The following HIBCH variants were observed in gnomAD, a reference collection of about 807,000 sequenced individuals.
The protein encoded by HIBCH is 3-hydroxyisobutyryl-CoA hydrolase, mitochondrial.
Under a neutral mutation model 58.2 loss-of-function variants are expected in HIBCH, and 50 were observed. That is an observed-to-expected ratio of 0.86 (90% CI 0.68 to 1.09). HIBCH has a LOEUF of 1.09. HIBCH is among the 50% of genes least tolerant of loss of function. HIBCH has a pLI of 0.00. For missense variants in HIBCH, 450 were observed against 449.7 expected (o/e 1.00, Z -0.01); for synonymous variants, 151 against 146.9 (o/e 1.03, Z -0.20).
intron 6 of HIBCH, among the ~76,000 whole-genome samples, chr2:190,267,613 GGAACTCATTAAGTAATTCAGC>G (rs1687279120): frequency 6.6e-6 from 1 of 152,162 alleles, no homozygotes; most frequent in Non-Finnish European, 1.5e-5. Context: ...TGTTCACTAT[GGAACTCATTAAGTAATTCAGC>G]TTCATATTTA....
At position 190,252,290 on chromosome 2, in the gene HIBCH, C is replaced by G; in HGVS notation, c.535G>C (p.Gly179Arg). The part of the protein sequence containing the change: ...ETAIGLFPDV[G>R]GGYFLPRLQG... ...AGTCGTGGCAAGAAATAACCTCCAC[C>G]CACATCAGGGAACAGTCCTGTAATT... The change falls in exon 8 of 14, where the codon GGT (glycine) becomes CGT (arginine). Residue 179 changes from glycine (G) to arginine (R), a missense_variant. By Grantham distance (125) the Gly-to-Arg change is moderately radical. Coordinates refer to ENST00000359678, the MANE Select transcript of HIBCH (RefSeq NM_014362.4). 6.2e-7 allele frequency: 1 copy of G among 1,613,198 alleles called. No homozygotes were observed. The highest frequency in any genetic ancestry group is 8.5e-7 in the Non-Finnish European group (1 of 1,179,288).
In HIBCH at chr2:190,211,941, G is replaced by A. The variant is rs1690519758; in HGVS notation, c.1011+1015C>T. Reference sequence around the variant, plus strand: ...GTAATGAAAAACATGGAATGTGTGAGGTATACAGGAGAGTGGTCAAGAGTG... The same window carrying A: ...GTAATGAAAAACATGGAATGTGTGAAGTATACAGGAGAGTGGTCAAGAGTG... On this transcript the variant is annotated intron_variant, in intron 12 of 13. Coordinates refer to ENST00000359678, the MANE Select transcript of HIBCH (RefSeq NM_014362.4). This position sits in a 1 kb window ranked among gnomAD's most constrained non-coding sequence, Gnocchi z 5.0. 6.6e-6 allele frequency among the ~76,000 whole-genome samples: 1 copy of A among 152,200 alleles called. No individual in the cohort carries two copies. Among genetic ancestry groups the A allele is most frequent in the African/African-American group, 2.4e-5 (1 of 41,434 alleles).
intron 6 of HIBCH, among the ~76,000 whole-genome samples, chr2:190,263,983 C>T (rs942549059): frequency 6.6e-6 from 1 of 152,226 alleles, no homozygotes; most frequent in Non-Finnish European, 1.5e-5. Flanking sequence ...TACACTATTA[C>T]GACCCTACTT....
rs1461372429 is a variant in HIBCH, at chr2:190,217,440, CA to C, written c.892-4366del. The stretch of plus-strand genomic sequence containing the variant: ...TGGAGGTTGCAGTGAGTTGAGATCA[CA>C]CACTGCACTCCAGCCTGGGCGACAG... On this transcript the variant is annotated intron_variant, in intron 11 of 13. Coordinates refer to ENST00000359678, the MANE Select transcript of HIBCH (RefSeq NM_014362.4). This position sits in a 1 kb window ranked among gnomAD's most constrained non-coding sequence, Gnocchi z 4.6. Among the ~76,000 whole-genome samples, 2 of 152,098 alleles carry C rather than the reference CA, an allele frequency of 1.3e-5. No individual in the cohort carries two copies. The highest frequency in any genetic ancestry group is 4.8e-5 in the African/African-American group (2 of 41,418).
At chr2:190,265,684 C>T (rs1244061536) in intron 6 of HIBCH, among the ~76,000 whole-genome samples, 2 of 152,138 alleles carry the variant, frequency 1.3e-5, no homozygotes, top group East Asian at 3.8e-4. Flanking sequence ...TCCCTAACCC[C>T]TGGGACTGAA....
chr2:190,299,617 G>T (rs1040272232), intron 2 of HIBCH, among the ~76,000 whole-genome samples: 1 of 152,028 alleles, frequency 6.6e-6, no homozygotes, highest in Non-Finnish European at 1.5e-5. Context: ...TTCACAGATA[G>T]ATACACATGG....
At chr2:190,223,367 T>C (rs902707641) in intron 11 of HIBCH, among the ~76,000 whole-genome samples, 118 of 152,344 alleles carry the variant, frequency 7.7e-4, no homozygotes, top group Non-Finnish European at 2.2e-4. Context: ...CCTGAGTATA[T>C]GGTACTACAT....
chr2:190,242,281 T>C (rs1411223649), intron 11 of HIBCH, among the ~76,000 whole-genome samples: 1 of 151,942 alleles, frequency 6.6e-6, no homozygotes, highest in Non-Finnish European at 1.5e-5. Context: ...AGAAGATTTA[T>C]GTTCTTCTCT....
intron 7 of HIBCH, among the ~76,000 whole-genome samples, chr2:190,255,828 GGAGA>G (rs56688526): frequency 6.1e-4 from 91 of 150,184 alleles, no homozygotes; most frequent in Admixed American, 8.6e-4. Flanking sequence ...GCTTAGGAAT[GGAGA>G]GAGAGAGAGA....
chr2:190,265,176 A>AT (rs1687199007), intron 6 of HIBCH, among the ~76,000 whole-genome samples: 1 of 150,846 alleles, frequency 6.6e-6, no homozygotes, highest in Admixed American at 6.6e-5. Flanking sequence ...ACTTTAAAAT[A>AT]TATCAAAACA....
chr2:190,191,813 T>G (rs1668375998), intron 1 of HIBCH, among the ~76,000 whole-genome samples: 1 of 152,236 alleles, frequency 6.6e-6, no homozygotes, highest in Non-Finnish European at 1.5e-5. Flanking sequence ...TAAACTGGGT[T>G]GTTGTCTTGC....
In HIBCH at chr2:190,238,721, C is replaced by G. The variant is rs567324020; in HGVS notation, c.891+6166G>C. On this transcript the variant is annotated intron_variant, in intron 11 of 13. Transcript: ENST00000359678. Reference sequence around the variant, plus strand: ...CTCGTGATCCGCCCTCTGTGGCCCCCCAAAGTGCTGGGATTACAGGCGTGA... The same window carrying G: ...CTCGTGATCCGCCCTCTGTGGCCCCGCAAAGTGCTGGGATTACAGGCGTGA... Among the ~76,000 whole-genome samples, 4 of 152,362 alleles carry G rather than the reference C, an allele frequency of 2.6e-5. No homozygotes were observed. In the South Asian group the frequency reaches 6.2e-4, roughly 24 times the overall value.
At chr2:190,228,731 T>G (rs1219862787) in intron 11 of HIBCH, among the ~76,000 whole-genome samples, 1 of 152,164 alleles carries the variant, frequency 6.6e-6, no homozygotes, top group South Asian at 2.1e-4. Flanking sequence ...ATCTGACCCT[T>G]TAAAGATTTG....
At chr2:190,200,075 AT>A (rs1690178028), downstream of HIBCH, 2 of 1,614,102 alleles carry the variant, frequency 1.2e-6, no homozygotes, top group Non-Finnish European at 1.7e-6. Flanking sequence ...ATCTTGTGTG[AT>A]GCCTTGCAGC....
intron 11 of HIBCH, among the ~76,000 whole-genome samples, chr2:190,223,515 G>A (rs1685792809): frequency 6.6e-6 from 1 of 152,208 alleles, no homozygotes; most frequent in Admixed American, 6.5e-5. Flanking sequence ...CAGAGTCAAG[G>A]AAAGGCTTTG....
At chr2:190,290,507 TAAAA>T in intron 4 of HIBCH, 22 bp from the exon 5 acceptor site, 1 of 1,211,202 alleles carries the variant, frequency 8.3e-7, no homozygotes, top group Non-Finnish European at 1.1e-6. Flanking sequence ...AGATTACAAA[TAAAA>T]AAAAAAAGAT....
chr2:190,250,498 C>T, intron 8 of HIBCH: 1 of 386,184 alleles, frequency 2.6e-6, no homozygotes, highest in South Asian at 2.1e-5. Flanking sequence ...TCTGTCTACT[C>T]ATTGCAGATA....
chr2:190,227,703 T>C (rs1396156148), intron 11 of HIBCH, among the ~76,000 whole-genome samples: 1 of 151,788 alleles, frequency 6.6e-6, no homozygotes, highest in African/African-American at 2.4e-5. Context: ...TAAACAAATT[T>C]ACAAGAAAAA....
intron 1 of HIBCH, among the ~76,000 whole-genome samples, chr2:190,313,666 G>GAAAAAT (rs1688617991): frequency 4.4e-5 from 1 of 22,474 alleles, no homozygotes; most frequent in Non-Finnish European, 9.4e-5. Flanking sequence ...AAAAAAAAAG[G>GAAAAAT]AATCACCTGG....
Sources: gnomAD v4.1 joint callset for allele counts (sites outside exome capture counted in the v4.1 genomes callset) on GRCh38, gnomAD v4.1.1 for gene constraint, Gnocchi (gnomAD v3.1) non-coding constraint, MANE v1.5 for transcripts, NCBI Gene and HGNC (gene_info 2026-07-23, HGNC 2026-07-21) for gene names.